SPOCK1: variants seen among roughly 807,000 people sequenced by gnomAD.
SPOCK1 encodes testican-1.
SPOCK1 carries 23 observed loss-of-function variants against 55.3 expected under a neutral mutation model. The ratio of observed to expected loss-of-function variants is 0.42; its 90% CI spans 0.30 to 0.59. The LOEUF is 0.59. Ranked by LOEUF, SPOCK1 falls within the 20% of genes least tolerant of loss-of-function variation. SPOCK1 has a pLI of 0.22. For synonymous variants in SPOCK1, 226 were observed against 221.0 expected (o/e 1.02, Z -0.20); for missense variants, 499 against 552.5 (o/e 0.90, Z 0.97).
chr5:137,061,137 C>G (rs1752387183), intron 6 of SPOCK1, among the ~76,000 whole-genome samples: 1 of 152,116 alleles, frequency 6.6e-6, no homozygotes, highest in Non-Finnish European at 1.5e-5. Context: ...GTTTGCAAGC[C>G]CAAGGCTTTC....
chr5:137,150,841 C>T (rs919528778), intron 3 of SPOCK1, among the ~76,000 whole-genome samples: 1 of 151,684 alleles, frequency 6.6e-6, no homozygotes, highest in African/African-American at 2.4e-5. Context: ...AATCACCTCT[C>T]AGAGCCTCAG....
intron 2 of SPOCK1, among the ~76,000 whole-genome samples, chr5:137,439,898 T>C (rs578200680): frequency 2.0e-5 from 3 of 152,254 alleles, no homozygotes; most frequent in African/African-American, 7.2e-5. Flanking sequence ...CACCCTACAG[T>C]GAAGCTCAGT....
At chr5:137,282,095 G>A (rs1308110066) in intron 2 of SPOCK1, among the ~76,000 whole-genome samples, 1 of 152,190 alleles carries the variant, frequency 6.6e-6, no homozygotes, top group Non-Finnish European at 1.5e-5. Flanking sequence ...AGGATTATTT[G>A]AGACTTACAT....
At chr5:137,369,637 T>C (rs1343214017) in intron 2 of SPOCK1, among the ~76,000 whole-genome samples, 2 of 152,030 alleles carry the variant, frequency 1.3e-5, no homozygotes, top group Non-Finnish European at 2.9e-5. Flanking sequence ...TACATTAGAG[T>C]GAGTGGCCTA....
rs921538482 is a variant in SPOCK1 at position 137,487,606 on chromosome 5, G to A, written c.186+10767C>T. Among the ~76,000 whole-genome samples, 5 of 152,072 alleles carry A rather than the reference G, an allele frequency of 3.3e-5. No homozygotes were observed. The South Asian group carries it at 6.2e-4, about 19-fold the overall frequency. ...CGTCAGAGTCAATTTCCTTCATTTC[G>A]TCTGTGCAGAAAACATATCAGTTGG... On this transcript the variant is annotated intron_variant, in intron 2 of 10. Coordinates refer to ENST00000394945, the MANE Select transcript of SPOCK1 (RefSeq NM_004598.4).
intron 2 of SPOCK1, among the ~76,000 whole-genome samples, chr5:137,420,497 G>T (rs969675115): frequency 1.8e-4 from 28 of 152,252 alleles, no homozygotes; most frequent in Admixed American, 1.8e-3. Context: ...TCTATTCAGA[G>T]ATTCAACTTC....
intron 6 of SPOCK1, among the ~76,000 whole-genome samples, chr5:137,039,752 C>CTAA (rs1751959467): frequency 6.6e-6 from 1 of 152,222 alleles, no homozygotes; most frequent in Non-Finnish European, 1.5e-5. Flanking sequence ...TAAGCCACCA[C>CTAA]ATTGGGCAGG....
chr5:137,492,350 T>C (rs1420496302), intron 2 of SPOCK1, among the ~76,000 whole-genome samples: 2 of 152,152 alleles, frequency 1.3e-5, no homozygotes, highest in Non-Finnish European at 2.9e-5. Flanking sequence ...ATGATGCAGA[T>C]TTGCAGTTGC....
intron 2 of SPOCK1, among the ~76,000 whole-genome samples, chr5:137,376,112 A>G (rs1751308448): frequency 6.6e-6 from 1 of 152,222 alleles, no homozygotes; most frequent in African/African-American, 2.4e-5. Context: ...CCAGGCTTTC[A>G]CCACACAGTA....
intron 5 of SPOCK1, among the ~76,000 whole-genome samples, chr5:137,087,273 G>T (rs1269984184): frequency 6.6e-6 from 1 of 152,102 alleles, no homozygotes; most frequent in Non-Finnish European, 1.5e-5. Flanking sequence ...CATCTGGAAG[G>T]GCTGACTGCT....
intron 2 of SPOCK1, among the ~76,000 whole-genome samples, chr5:137,269,156 G>C (rs978542945): frequency 1.3e-5 from 2 of 152,148 alleles, no homozygotes; most frequent in African/African-American, 4.8e-5. Context: ...ATCTGCATTA[G>C]AATATTTAAA....
chr5:137,304,428 T>C (rs1299349843), intron 2 of SPOCK1, among the ~76,000 whole-genome samples: 1 of 152,170 alleles, frequency 6.6e-6, no homozygotes, highest in Non-Finnish European at 1.5e-5. Flanking sequence ...ATGAAGGGCA[T>C]ATGCTTTGCC....
chr5:137,264,909 G>C (rs1044471743), intron 3 of SPOCK1, among the ~76,000 whole-genome samples: 1 of 152,096 alleles, frequency 6.6e-6, no homozygotes, highest in Non-Finnish European at 1.5e-5. Context: ...AATAGCCAAC[G>C]GCAGCTACCC....
chr5:137,408,724 G>C (rs1416020515), intron 2 of SPOCK1, among the ~76,000 whole-genome samples: 1 of 152,056 alleles, frequency 6.6e-6, no homozygotes, highest in Non-Finnish European at 1.5e-5. Flanking sequence ...GTTATGTCAT[G>C]GTAAAGGACA....
At chr5:137,393,158 G>C (rs1462716138) in intron 2 of SPOCK1, among the ~76,000 whole-genome samples, 1 of 152,176 alleles carries the variant, frequency 6.6e-6, no homozygotes, top group Non-Finnish European at 1.5e-5. Context: ...TATTACAGTA[G>C]ATCAATTGCA....
intron 2 of SPOCK1, among the ~76,000 whole-genome samples, chr5:137,338,745 T>G (rs1261741516): frequency 6.6e-6 from 1 of 152,168 alleles, no homozygotes; most frequent in Non-Finnish European, 1.5e-5. Flanking sequence ...ATTGTGGTTT[T>G]GATTTGCATT....
At chr5:137,020,176 G>A (rs1401312046) in intron 6 of SPOCK1, among the ~76,000 whole-genome samples, 3 of 151,088 alleles carry the variant, frequency 2.0e-5, no homozygotes, top group Non-Finnish European at 4.4e-5. Flanking sequence ...CTCTATGTAG[G>A]TTAAATTATA....
intron 3 of SPOCK1, among the ~76,000 whole-genome samples, chr5:137,177,864 C>T (rs546275547): frequency 1.4e-3 from 220 of 151,984 alleles, no homozygotes; most frequent in Non-Finnish European, 2.5e-3. Context: ...AAAAAGCTTT[C>T]CAAGTAGGGA....
At chr5:137,290,923 T>A (rs1335848501) in intron 2 of SPOCK1, among the ~76,000 whole-genome samples, 1 of 152,200 alleles carries the variant, frequency 6.6e-6, no homozygotes, top group African/African-American at 2.4e-5. Context: ...GATCGCTTAC[T>A]AAGTGCTGGT....
Sources: allele counts gnomAD v4.1 joint callset (sites outside exome capture counted in the v4.1 genomes callset), GRCh38; gene constraint gnomAD v4.1.1; transcripts MANE v1.5; gene names NCBI Gene and HGNC (gene_info 2026-07-23, HGNC 2026-07-21).